The following AGBL1 variants were observed in gnomAD, a reference collection of about 807,000 sequenced individuals.
The protein encoded by AGBL1 is cytosolic carboxypeptidase 4.
A neutral mutation model predicts 118.9 loss-of-function variants in AGBL1; 130 were observed. The ratio of observed to expected loss-of-function variants is 1.09; its 90% confidence interval spans 0.95 to 1.26. The LOEUF is 1.26. Among genes scored for constraint, AGBL1 ranks in the 50% most tolerant of loss-of-function variants. AGBL1 has a pLI of 0.00. For synonymous variants in AGBL1, 555 were observed against 478.9 expected, an observed-to-expected ratio of 1.16 and a Z score of -2.08; for missense variants, 1,584 against 1,298.1, an observed-to-expected ratio of 1.22 and a Z score of -3.38.
chr15:86,941,431 T>C (rs1052339077), intron 23 of AGBL1, among the ~76,000 whole-genome samples: 1 of 151,980 alleles, frequency 6.6e-6, no homozygotes, highest in Non-Finnish European at 1.5e-5. Flanking sequence ...CTAAAGAACA[T>C]AGAAATAGTA....
At chr15:86,954,783 C>G (rs2141675882) in intron 23 of AGBL1, among the ~76,000 whole-genome samples, 1 of 152,236 alleles carries the variant, frequency 6.6e-6, no homozygotes, top group African/African-American at 2.4e-5. Context: ...GCCCATGAAC[C>G]CTCTATATCT....
chr15:86,991,094 G>A (rs1465400073), intron 24 of AGBL1, among the ~76,000 whole-genome samples: 1 of 152,138 alleles, frequency 6.6e-6, no homozygotes, highest in Non-Finnish European at 1.5e-5. Context: ...CTGCAATGTA[G>A]TTTTTTATAA....
intron 17 of AGBL1, among the ~76,000 whole-genome samples, chr15:86,298,246 A>ATTATATATATATATATATATATATAT (rs1555462936): frequency 1.6e-4 from 11 of 69,806 alleles, no homozygotes; most frequent in African/African-American, 3.3e-4. Flanking sequence ...GTCTGTGTAT[A>ATTATATATATATATATATATATATAT]ATATATATAT....
At chr15:86,703,189 G>A (rs1019826790) in intron 22 of AGBL1, among the ~76,000 whole-genome samples, 2 of 152,176 alleles carry the variant, frequency 1.3e-5, no homozygotes, top group African/African-American at 2.4e-5. Flanking sequence ...ATTATTACAA[G>A]TGGAATAGCA....
chr15:86,397,493 C>T lies in AGBL1; in HGVS notation c.2502C>T (p.Asn834=), dbSNP rs2081385637. 6.2e-7 allele frequency: 1 copy of T among 1,612,920 alleles called. No homozygotes were observed. Among genetic ancestry groups the T allele is most frequent in the African/African-American group, 1.3e-5 (1 of 74,854 alleles). Residue 834 remains asparagine (N), a synonymous_variant, in exon 18 of 23, where the codon AAC becomes AAT. Transcript: ENST00000614907. Reference sequence around the variant, plus strand: ...CTGTGGCTAGGCTCTTGAGGGAAAACTTCATCTTCAAGATCATACCCATGC... The same window carrying T: ...CTGTGGCTAGGCTCTTGAGGGAAAATTTCATCTTCAAGATCATACCCATGC... The part of the protein sequence containing the change: ...SDPVARLLRE[N]FIFKIIPMLN...
At chr15:86,305,363 G>A (rs187933281) in intron 17 of AGBL1, among the ~76,000 whole-genome samples, 1 of 152,284 alleles carries the variant, frequency 6.6e-6, no homozygotes, top group African/African-American at 2.4e-5. Flanking sequence ...GATTCCATCT[G>A]AGGAAGGAGA....
chr15:86,330,451 A>G (rs1259750093), intron 17 of AGBL1, among the ~76,000 whole-genome samples: 1 of 152,244 alleles, frequency 6.6e-6, no homozygotes, highest in East Asian at 1.9e-4. Flanking sequence ...AGGGAAAGAA[A>G]AAAACTATAA....
At chr15:86,256,813 C>T (rs1176413713) in intron 7 of AGBL1, 40 bp from the exon 8 acceptor site, 10 of 1,603,726 alleles carry the variant, frequency 6.2e-6, no homozygotes, top group South Asian at 1.1e-5. Context: ...GGGGACTGTG[C>T]CCAGATGTTG....
chr15:86,739,519 T>C (rs1171765561), intron 22 of AGBL1, among the ~76,000 whole-genome samples: 1 of 151,566 alleles, frequency 6.6e-6, no homozygotes, highest in African/African-American at 2.4e-5. Context: ...ATTTTTTTTT[T>C]TTCGGGGGGA....
At chr15:86,443,736 T>C (rs1200585550) in intron 18 of AGBL1, among the ~76,000 whole-genome samples, 1 of 152,224 alleles carries the variant, frequency 6.6e-6, no homozygotes, top group Non-Finnish European at 1.5e-5. Context: ...TTACCAAACA[T>C]AGTGTCCTCC....
intron 5 of AGBL1, among the ~76,000 whole-genome samples, chr15:86,174,112 C>T (rs558685316): frequency 1.3e-5 from 2 of 152,158 alleles, no homozygotes; most frequent in Admixed American, 6.5e-5. Context: ...TTGTTTGTGT[C>T]CTTTTCAATT....
chr15:86,708,320 A>G (rs1033541016), intron 22 of AGBL1, among the ~76,000 whole-genome samples: 3 of 152,100 alleles, frequency 2.0e-5, no homozygotes, highest in Admixed American at 6.6e-5. Flanking sequence ...AAGAAAAGAC[A>G]TAGGAGAGGT....
At chr15:86,428,900 G>C (rs1028870811) in intron 18 of AGBL1, among the ~76,000 whole-genome samples, 1 of 152,172 alleles carries the variant, frequency 6.6e-6, no homozygotes, top group African/African-American at 2.4e-5. Flanking sequence ...AAAAATAATG[G>C]AAAGGTTTAT....
chr15:86,511,961 C>T (rs572959793), intron 18 of AGBL1, among the ~76,000 whole-genome samples: 1 of 151,882 alleles, frequency 6.6e-6, no homozygotes, highest in African/African-American at 2.4e-5. Flanking sequence ...TTTGTGGTGT[C>T]AGAAAGCATT....
Position 86,444,949 on chromosome 15 carries a change from A to C in AGBL1, c.2555+47403A>C, listed in dbSNP as rs1362124101. On this transcript the variant is annotated intron_variant, in intron 18 of 22. Coordinates refer to ENST00000614907, the MANE Select transcript of AGBL1 (RefSeq NM_001386094.1). ...ACAATTTTAACAAAAAAATAAATTG[A>C]GATACATTAGATTGCAAATTTAAGA... 2.6e-5 allele frequency among the ~76,000 whole-genome samples: 4 copies of C among 152,374 alleles called. No homozygotes were observed. In the East Asian group the frequency reaches 5.8e-4, roughly 22 times the overall value.
chr15:86,193,277 G>T (rs976979097), intron 5 of AGBL1, among the ~76,000 whole-genome samples: 11 of 152,142 alleles, frequency 7.2e-5, no homozygotes, highest in African/African-American at 2.7e-4. Context: ...AGGACCAGAT[G>T]AAATGCTAAT....
At chr15:86,235,151 T>G (rs1597599982) in intron 6 of AGBL1, among the ~76,000 whole-genome samples, 1 of 152,324 alleles carries the variant, frequency 6.6e-6, no homozygotes, top group Admixed American at 6.5e-5. Flanking sequence ...ACCCCCTACT[T>G]TAGACTATGT....
intron 22 of AGBL1, among the ~76,000 whole-genome samples, chr15:86,693,318 A>T (rs1596375831): frequency 6.6e-6 from 1 of 152,108 alleles, no homozygotes; most frequent in African/African-American, 2.4e-5. Flanking sequence ...GTGGTATCAC[A>T]TGGCAGTTTT....
chr15:86,747,525 A>C (rs1367203293), intron 22 of AGBL1, among the ~76,000 whole-genome samples: 1 of 152,210 alleles, frequency 6.6e-6, no homozygotes, highest in Non-Finnish European at 1.5e-5. Flanking sequence ...CATGTGCACA[A>C]CGTGCAGGTT....
Sources: gnomAD v4.1 joint callset for allele counts (sites outside exome capture counted in the v4.1 genomes callset) on GRCh38, gnomAD v4.1.1 for gene constraint, MANE v1.5 for transcripts, NCBI Gene and HGNC (gene_info 2026-07-23, HGNC 2026-07-21) for gene names.